CNTNAP2: variants seen among roughly 807,000 people sequenced by gnomAD.
CNTNAP2 encodes the protein contactin-associated protein-like 2.
CNTNAP2 carries 98 observed loss-of-function variants against 155.2 expected under a neutral mutation model. The observed-to-expected ratio is 0.63, with a 90% confidence interval of 0.54 to 0.75. CNTNAP2 has a LOEUF of 0.75. Among genes scored for constraint, CNTNAP2 ranks in the 30% least tolerant of loss-of-function variants. The pLI is 0.00. For missense variants in CNTNAP2, 1,727 were observed against 1,688.1 expected (o/e 1.02, Z -0.40); for synonymous variants, 651 against 631.2 (o/e 1.03, Z -0.47).
chr7:146,218,871 T>G (rs1315996983), intron 1 of CNTNAP2, among the ~76,000 whole-genome samples: 1 of 152,142 alleles, frequency 6.6e-6, no homozygotes, highest in African/African-American at 2.4e-5. Flanking sequence ...TGGAACTGGA[T>G]CTCTCTGGAA....
intron 1 of CNTNAP2, among the ~76,000 whole-genome samples, chr7:146,209,675 T>C (rs1799003972): frequency 6.6e-6 from 1 of 152,160 alleles, no homozygotes; most frequent in African/African-American, 2.4e-5. Flanking sequence ...AGGATTTTTG[T>C]GCTAGTACTT....
intron 14 of CNTNAP2, among the ~76,000 whole-genome samples, chr7:147,976,087 A>G (rs1254008590): frequency 2.6e-5 from 4 of 152,212 alleles, no homozygotes; most frequent in African/African-American, 9.7e-5. Flanking sequence ...ATAGCATCAC[A>G]AAATATTTTT....
intron 1 of CNTNAP2, among the ~76,000 whole-genome samples, chr7:146,387,112 A>G (rs1795472109): frequency 6.6e-6 from 1 of 152,198 alleles, no homozygotes; most frequent in South Asian, 2.1e-4. Flanking sequence ...TGAGGAAAAC[A>G]TCTTTGAAGC....
intron 22 of CNTNAP2, among the ~76,000 whole-genome samples, chr7:148,405,562 G>A (rs540066665): frequency 7.4e-6 from 1 of 134,744 alleles, no homozygotes; most frequent in African/African-American, 2.8e-5. Flanking sequence ...TCAGCCTCCT[G>A]AGTAGCTGGG....
At chr7:148,315,346 T>G (rs538307776) in intron 21 of CNTNAP2, among the ~76,000 whole-genome samples, 13 of 151,826 alleles carry the variant, frequency 8.6e-5, no homozygotes, top group African/African-American at 2.7e-4. Context: ...TTATAAGATT[T>G]GGGTAGGTAA....
At chr7:147,006,455 C>T (rs764859872) in intron 3 of CNTNAP2, among the ~76,000 whole-genome samples, 1 of 151,984 alleles carries the variant, frequency 6.6e-6, no homozygotes, top group Non-Finnish European at 1.5e-5. Flanking sequence ...TTTCTGGTGT[C>T]TGCCATTCCT....
intron 21 of CNTNAP2, among the ~76,000 whole-genome samples, chr7:148,325,174 C>T (rs943441663): frequency 1.3e-5 from 2 of 152,196 alleles, no homozygotes; most frequent in African/African-American, 4.8e-5. Flanking sequence ...GTATAAGATT[C>T]TAAAGCCTTG....
At position 148,369,137 on chromosome 7, in the gene CNTNAP2, G is replaced by A. The variant is rs1798838588; in HGVS notation, c.3476-14512G>A. 6.2e-5 allele frequency among the ~76,000 whole-genome samples: 8 copies of A among 128,798 alleles called. No homozygotes were observed. The South Asian group carries it at 2.0e-3, about 32-fold the overall frequency. 84.5% of individuals were successfully genotyped at this position (128,798 alleles called of 152,430 possible). A position where few individuals can be genotyped will look rare whatever the true frequency, so the allele number is the denominator to read the frequency against. Reference sequence around the variant, plus strand: ...GTAATAACCCCAAGAATCTTTAGCTGTTACCATTATATTTTTATATTTTTT... The same window carrying A: ...GTAATAACCCCAAGAATCTTTAGCTATTACCATTATATTTTTATATTTTTT... On this transcript the variant is annotated intron_variant, in intron 21 of 23. Coordinates refer to ENST00000361727, the MANE Select transcript of CNTNAP2 (RefSeq NM_014141.6).
intron 9 of CNTNAP2, among the ~76,000 whole-genome samples, chr7:147,352,687 A>G (rs764426642): frequency 6.3e-4 from 96 of 151,986 alleles, no homozygotes; most frequent in Non-Finnish European, 2.8e-4. Flanking sequence ...ACCATGGTAG[A>G]ATTCTCATTG....
chr7:147,545,304 A>G (rs568537210), intron 11 of CNTNAP2, among the ~76,000 whole-genome samples: 1 of 152,288 alleles, frequency 6.6e-6, no homozygotes, highest in East Asian at 1.9e-4. Flanking sequence ...TACTTTCAGC[A>G]TTTTGGTAGT....
chr7:147,030,425 C>A (rs1048378902), intron 3 of CNTNAP2, among the ~76,000 whole-genome samples: 16 of 152,060 alleles, frequency 1.1e-4, no homozygotes, highest in African/African-American at 3.6e-4. Context: ...ATGTGATATG[C>A]CAGAAATTTT....
At chr7:147,393,302 A>G in intron 9 of CNTNAP2, among the ~76,000 whole-genome samples, 1 of 152,122 alleles carries the variant, frequency 6.6e-6, no homozygotes, top group Non-Finnish European at 1.5e-5. Context: ...CCAAGATCAA[A>G]CAGAACATTG....
At chr7:146,623,731 A>G (rs1349851067) in intron 1 of CNTNAP2, among the ~76,000 whole-genome samples, 2 of 152,204 alleles carry the variant, frequency 1.3e-5, no homozygotes, top group Non-Finnish European at 1.5e-5. Flanking sequence ...GTGTGTGTAC[A>G]TAAGTTTTCA....
At chr7:146,185,462 A>G (rs1798609989) in intron 1 of CNTNAP2, among the ~76,000 whole-genome samples, 1 of 152,198 alleles carries the variant, frequency 6.6e-6, no homozygotes, top group Non-Finnish European at 1.5e-5. Flanking sequence ...AGGAAAAAAA[A>G]GAAACACACA....
At chr7:148,152,893 C>G (rs76400953) in intron 17 of CNTNAP2, among the ~76,000 whole-genome samples, 3 of 151,346 alleles carry the variant, frequency 2.0e-5, no homozygotes, top group Non-Finnish European at 3.0e-5. Flanking sequence ...TAGTGGCAGG[C>G]GCCTGTAGTC....
chr7:147,271,913 A>G (rs1422672818), intron 8 of CNTNAP2, among the ~76,000 whole-genome samples: 1 of 152,136 alleles, frequency 6.6e-6, no homozygotes. Flanking sequence ...TACTTTTGAG[A>G]TGGAGTTTCA....
At chr7:147,026,645 A>G (rs892844590) in intron 3 of CNTNAP2, among the ~76,000 whole-genome samples, 3 of 150,294 alleles carry the variant, frequency 2.0e-5, no homozygotes, top group African/African-American at 4.9e-5. Flanking sequence ...TTTCCCCAGG[A>G]TGCTATCATG....
intron 1 of CNTNAP2, among the ~76,000 whole-genome samples, chr7:146,575,109 G>A (rs780736227): frequency 3.3e-5 from 5 of 152,150 alleles, no homozygotes; most frequent in African/African-American, 7.2e-5. Flanking sequence ...TTAAGCTCTA[G>A]TGATACATTT....
intron 1 of CNTNAP2, among the ~76,000 whole-genome samples, chr7:146,745,808 A>G (rs961564507): frequency 6.6e-6 from 1 of 151,280 alleles, no homozygotes; most frequent in African/African-American, 2.4e-5. Flanking sequence ...AACATTTGCC[A>G]TTGGTAGATA....
Sources: allele counts gnomAD v4.1 joint callset (sites outside exome capture counted in the v4.1 genomes callset), GRCh38; gene constraint gnomAD v4.1.1; transcripts MANE v1.5; gene names NCBI Gene and HGNC (gene_info 2026-07-23, HGNC 2026-07-21).